The following MGST1 variants were observed in gnomAD, a reference collection of about 807,000 sequenced individuals.
MGST1 encodes the protein glutathione S-transferase 12.
Under a neutral mutation model 8.9 loss-of-function variants are expected in MGST1, and 5 were observed. That is an observed-to-expected ratio of 0.56 (90% confidence interval 0.29 to 1.19). The LOEUF (loss-of-function observed/expected upper bound fraction) is 1.19, where lower values mean the gene tolerates loss of function less well. MGST1 is among the 50% of genes most tolerant of loss of function. The pLI is 0.08. For synonymous variants in MGST1, 54 were observed against 67.8 expected, an observed-to-expected ratio of 0.80 and a Z score of 1.00; for missense variants, 182 against 187.4, an observed-to-expected ratio of 0.97 and a Z score of 0.17.
At chr12:16,461,180 G>GAAAAA (rs35831625) in intron 4 of MGST1, among the ~76,000 whole-genome samples, 1 of 145,742 alleles carries the variant, frequency 6.9e-6, no homozygotes. Flanking sequence ...ATGCCCAAAG[G>GAAAAA]AAAAAAAAAA....
intron 4 of MGST1, among the ~76,000 whole-genome samples, chr12:16,532,472 C>G (rs910658195): frequency 1.3e-5 from 2 of 152,058 alleles, no homozygotes; most frequent in Admixed American, 6.6e-5. Context: ...TCCAGCAAAG[C>G]TATAGGGTTT....
upstream of MGST1, among the ~76,000 whole-genome samples, chr12:16,347,367 A>G (rs201852115): frequency 6.6e-6 from 1 of 152,194 alleles, no homozygotes; most frequent in East Asian, 1.9e-4. The surrounding 1 kb of genome is among the most constrained non-coding windows in gnomAD (Gnocchi z 4.0). Flanking sequence ...AACTCTGCTG[A>G]TCCTGAAATG....
intron 4 of MGST1, among the ~76,000 whole-genome samples, chr12:16,534,174 TAAGAC>T (rs1941739959): frequency 6.6e-6 from 1 of 152,114 alleles, no homozygotes; most frequent in Admixed American, 6.5e-5. Context: ...ATTGATAAAA[TAAGAC>T]AAAAGAATAA....
chr12:16,517,368 G>C lies in MGST1; in HGVS notation n.483-72160G>C. On this transcript the variant is annotated intron_variant and non_coding_transcript_variant, in intron 4 of 4. Transcript: ENST00000538857. This position sits in a 1 kb window ranked among gnomAD's most constrained non-coding sequence, Gnocchi z 4.2. Reference sequence around the variant, plus strand: ...AGAATAATGTTGTTATCACAGGAGTGAATTTGTTATAAAAGTAAGTTTGGC... The same window carrying C: ...AGAATAATGTTGTTATCACAGGAGTCAATTTGTTATAAAAGTAAGTTTGGC... Among the ~76,000 whole-genome samples, 1 of 152,154 alleles carries C rather than the reference G, an allele frequency of 6.6e-6. No homozygotes were observed. Among genetic ancestry groups the C allele is most frequent in the East Asian group, 1.9e-4 (1 of 5,198 alleles).
rs11292991 is a variant in MGST1 at position 16,469,178 on chromosome 12, C to CTTTTTT, written n.482+85591_482+85596dup. On this transcript the variant is annotated intron_variant and non_coding_transcript_variant, in intron 4 of 4. Transcript: ENST00000538857. ...ACATAACATGCATAATGCTCTATTC[C>CTTTTTT]TTTTTTTTTTTTTTTTTTTTTTGGA... 1.3e-4 allele frequency among the ~76,000 whole-genome samples: 10 copies of CTTTTTT among 77,558 alleles called. 1 individual carries two copies. The highest frequency in any genetic ancestry group is 3.7e-4 in the Admixed American group (2 of 5,390). 50.9% of individuals were successfully genotyped at this position (77,558 alleles called of 152,430 possible).
chr12:16,540,089 C>T (rs148557311), intron 4 of MGST1, among the ~76,000 whole-genome samples: 108 of 152,306 alleles, frequency 7.1e-4, no homozygotes, highest in African/African-American at 2.5e-3. Flanking sequence ...GTTGAGCACT[C>T]CTTCCTCCCT....
At position 16,513,163 on chromosome 12, in the gene MGST1, C is replaced by A. The variant is rs1334801929; in HGVS notation, n.483-76365C>A. ...ATAAACATACATATAACTTAATCCACTGCCTACTATTAGCTTCGATTTCTT... is the reference window on the plus strand; with the variant it reads ...ATAAACATACATATAACTTAATCCAATGCCTACTATTAGCTTCGATTTCTT... On this transcript the variant is annotated intron_variant and non_coding_transcript_variant, in intron 4 of 4. Transcript: ENST00000538857. This position sits in a 1 kb window ranked among gnomAD's most constrained non-coding sequence, Gnocchi z 4.2. 2.0e-5 allele frequency among the ~76,000 whole-genome samples: 3 copies of A among 152,214 alleles called. No homozygotes were observed. In the East Asian group the frequency reaches 5.8e-4, roughly 29 times the overall value.
intron 4 of MGST1, among the ~76,000 whole-genome samples, chr12:16,493,706 T>C (rs572998093): frequency 7.3e-4 from 111 of 152,254 alleles, no homozygotes; most frequent in African/African-American, 2.6e-3. Flanking sequence ...GTATCTGTTC[T>C]TAGTTTAGCC....
chr12:16,435,403 C>T (rs943077450), intron 1 of MGST1, among the ~76,000 whole-genome samples: 1 of 151,828 alleles, frequency 6.6e-6, no homozygotes. Flanking sequence ...GAAAATATGC[C>T]TAAAACAAAT....
rs1373575446 is a variant in MGST1 at position 16,559,111 on chromosome 12, A to T, written n.483-30417A>T. Among the ~76,000 whole-genome samples the T allele has an allele frequency of 6.6e-6, 1 of 152,182 alleles. No individual in the cohort carries two copies. Among genetic ancestry groups the T allele is most frequent in the Non-Finnish European group, 1.5e-5 (1 of 68,012 alleles). ...AGTACCTTTCAGAGTAAATTACAATAACTGAGAACTTGATGCAACTAATAT... is the reference window on the plus strand; with the variant it reads ...AGTACCTTTCAGAGTAAATTACAATTACTGAGAACTTGATGCAACTAATAT... On this transcript the variant is annotated intron_variant and non_coding_transcript_variant, in intron 4 of 4. Transcript: ENST00000538857. This position sits in a 1 kb window ranked among gnomAD's most constrained non-coding sequence, Gnocchi z 4.1.
intron 1 of MGST1, chr12:16,402,355 C>G: frequency 1.2e-6 from 2 of 1,602,486 alleles, no homozygotes; most frequent in Non-Finnish European, 1.7e-6. Context: ...CTTCTCCTTT[C>G]TGCCAATTGC....
intron 3 of MGST1, chr12:16,360,432 TA>T: frequency 2.2e-6 from 2 of 906,124 alleles, no homozygotes; most frequent in Non-Finnish European, 2.6e-6. Flanking sequence ...AACAATTAAC[TA>T]AAAACTTAAG....
chr12:16,536,644 G>C (rs973134221), intron 4 of MGST1, among the ~76,000 whole-genome samples: 1 of 152,140 alleles, frequency 6.6e-6, no homozygotes, highest in African/African-American at 2.4e-5. Flanking sequence ...GTTCCATATG[G>C]CTGGGAGGCC....
chr12:16,499,888 C>T (rs1289234586), intron 4 of MGST1, among the ~76,000 whole-genome samples: 1 of 152,014 alleles, frequency 6.6e-6, no homozygotes, highest in East Asian at 1.9e-4. Flanking sequence ...CACTCCGGCC[C>T]TTAGTTTAGT....
At chr12:16,416,392 G>A (rs1940788426) in intron 1 of MGST1, among the ~76,000 whole-genome samples, 1 of 152,190 alleles carries the variant, frequency 6.6e-6, no homozygotes, top group South Asian at 2.1e-4. Context: ...GAGGATTGTA[G>A]TGCAAGTCAT....
At chr12:16,573,818 C>T (rs1017712641) in intron 4 of MGST1, 1 of 152,142 alleles carries the variant, frequency 6.6e-6, no homozygotes. Context: ...TGCTTTACCA[C>T]GTTAAGTGTC....
chr12:16,554,873 T>A (rs936106120), intron 4 of MGST1, among the ~76,000 whole-genome samples: 3 of 152,078 alleles, frequency 2.0e-5, no homozygotes, highest in African/African-American at 7.2e-5. Context: ...TTAGCCAGGA[T>A]GGTCTCGATC....
intron 4 of MGST1, among the ~76,000 whole-genome samples, chr12:16,577,066 G>C (rs1943017491): frequency 6.6e-6 from 1 of 152,160 alleles, no homozygotes; most frequent in Non-Finnish European, 1.5e-5. Flanking sequence ...AGATGGTTTA[G>C]GTGCCAACAC....
intron 3 of MGST1, among the ~76,000 whole-genome samples, chr12:16,360,110 A>G (rs576026627): frequency 6.6e-6 from 1 of 152,204 alleles, no homozygotes; most frequent in African/African-American, 2.4e-5. Context: ...TTTTCCGCAT[A>G]CTGAGAGAAG....
Sources: gnomAD v4.1 joint callset for allele counts (sites outside exome capture counted in the v4.1 genomes callset) on GRCh38, gnomAD v4.1.1 for gene constraint, Gnocchi (gnomAD v3.1) non-coding constraint, MANE v1.5 for transcripts, NCBI Gene and HGNC (gene_info 2026-07-23, HGNC 2026-07-21) for gene names.